The following PDE2A variants were observed in gnomAD, a reference collection of about 807,000 sequenced individuals.
The protein encoded by PDE2A is phosphodiesterase 2A, also known as cGMP-dependent 3',5'-cyclic phosphodiesterase.
Under a neutral mutation model 133.6 loss-of-function variants are expected in PDE2A, and 53 were observed. That is an observed-to-expected ratio of 0.40 (90% CI 0.32 to 0.50). The LOEUF (loss-of-function observed/expected upper bound fraction) is 0.50. PDE2A is among the 20% of genes least tolerant of loss of function. The pLI, the probability that PDE2A is intolerant of heterozygous loss-of-function variation, is 0.73. For missense variants in PDE2A, 796 were observed against 1,232.4 expected (o/e 0.65, Z 5.30); for synonymous variants, 491 against 490.2 (o/e 1.00, Z -0.02).
In PDE2A at chr11:72,584,321, A is replaced by C; in HGVS notation, c.1538-8T>G. The C allele has an allele frequency of 6.4e-7, 1 of 1,570,912 alleles. No homozygotes were observed. Among genetic ancestry groups the C allele is most frequent in the African/African-American group, 1.3e-5 (1 of 74,114 alleles). Reference sequence around the variant, plus strand: ...CGGCCACACCGATGACCTCTGGGGAAGGGAGAGGGGCAAGGAACCACCGGT... The same window carrying C: ...CGGCCACACCGATGACCTCTGGGGACGGGAGAGGGGCAAGGAACCACCGGT... On this transcript the variant is annotated splice_polypyrimidine_tract_variant and splice_region_variant and intron_variant, in intron 18 of 30. Transcript: ENST00000334456.
At chr11:72,585,286 G>T in intron 16 of PDE2A, 85 bp downstream of exon 16, 1 of 1,123,328 alleles carries the variant, frequency 8.9e-7, no homozygotes. Context: ...GGCAGAGAAA[G>T]GGAAGTGGGT....
chr11:72,584,060 G>T (rs914802888), intron 19 of PDE2A, 141 bp downstream of exon 19: 2 of 615,964 alleles, frequency 3.2e-6, no homozygotes, highest in Non-Finnish European at 5.8e-6. Context: ...TGTCCTGAAG[G>T]CTGCACCCCA....
In PDE2A at chr11:72,577,240, C is replaced by G; in HGVS notation, c.*144G>C. 1.6e-6 allele frequency: 1 copy of G among 617,252 alleles called. No individual in the cohort carries two copies. Among genetic ancestry groups the G allele is most frequent in the South Asian group, 2.0e-5 (1 of 50,686 alleles). The allele number at this position is 617,252 out of a possible 1,614,324, so 38.2% of individuals were successfully genotyped here. A position where few individuals can be genotyped will look rare whatever the true frequency, so the allele number is the denominator to read the frequency against. On this transcript the variant is annotated 3_prime_UTR_variant, in exon 31 of 31. Transcript: ENST00000334456. Reference sequence around the variant, plus strand: ...CATTATACAGACGAGAAAGCTGAGGCCCAGGAAGGTAGTACTTGTCCAGGG... The same window carrying G: ...CATTATACAGACGAGAAAGCTGAGGGCCAGGAAGGTAGTACTTGTCCAGGG...
chr11:72,590,742 C>A lies in PDE2A; in HGVS notation c.550-162G>T, dbSNP rs1431238262. 6.6e-6 allele frequency among the ~76,000 whole-genome samples: 1 copy of A among 152,174 alleles called. No individual in the cohort carries two copies. The highest frequency in any genetic ancestry group is 1.5e-5 in the Non-Finnish European group (1 of 68,024). ...TCCCTGGACTCTACCTTCCTGAGGG[C>A]TCCCCCGGGGGCTCCCACAGCCCCT... On this transcript the variant is annotated intron_variant, in intron 7 of 30. Transcript: ENST00000334456. This position sits in a 1 kb window ranked among gnomAD's most constrained non-coding sequence, Gnocchi z 4.8.
At chr11:72,637,091 CTGT>C (rs1858734011) in intron 2 of PDE2A, among the ~76,000 whole-genome samples, 1 of 137,414 alleles carries the variant, frequency 7.3e-6, no homozygotes, top group African/African-American at 3.6e-5. Context: ...TCTCTCCCCT[CTGT>C]CCAGAACTTT....
At chr11:72,586,985 C>T (rs1314535079) in intron 13 of PDE2A, among the ~76,000 whole-genome samples, 1 of 152,198 alleles carries the variant, frequency 6.6e-6, no homozygotes, top group Admixed American at 6.5e-5. Flanking sequence ...CCTCAGCTAG[C>T]CCCACCCACC....
At chr11:72,634,768 G>A (rs1858597079) in intron 2 of PDE2A, among the ~76,000 whole-genome samples, 1 of 152,192 alleles carries the variant, frequency 6.6e-6, no homozygotes, top group South Asian at 2.1e-4. Flanking sequence ...CCCTGACCTG[G>A]GACTCCTTTC....
Position 72,590,187 on chromosome 11 carries a change from C to T in PDE2A, c.756+5G>A. ...GAGGTGGCCGGCAGGGGCGCAGGGA[C>T]TCACGTATTGGAGCACTTTGAGCTG... On this transcript the variant is annotated splice_donor_5th_base_variant and intron_variant, in intron 9 of 30. Coordinates refer to ENST00000334456, the MANE Select transcript of PDE2A (RefSeq NM_002599.5). This position sits in a 1 kb window ranked among gnomAD's most constrained non-coding sequence, Gnocchi z 4.8. The T allele has an allele frequency of 6.5e-7, 1 of 1,549,094 alleles. No individual in the cohort carries two copies. The highest frequency in any genetic ancestry group is 8.7e-7 in the Non-Finnish European group (1 of 1,144,930).
rs557525864 is a variant in PDE2A at position 72,645,030 on chromosome 11, C to T, written c.72-2704G>A. Among the ~76,000 whole-genome samples, 7 of 152,346 alleles carry T rather than the reference C, an allele frequency of 4.6e-5. No individual in the cohort carries two copies. In the South Asian group the frequency reaches 1.4e-3, roughly 32 times the overall value. ...TCAGCCTCCCAAAGTGTTGGGATTA[C>T]AGGTGTGAGCCACTGCACCCAGCCA... On this transcript the variant is annotated intron_variant, in intron 1 of 30. Coordinates refer to ENST00000334456, the MANE Select transcript of PDE2A (RefSeq NM_002599.5).
intron 1 of PDE2A, chr11:72,658,278 A>G (rs1409829662): frequency 8.0e-6 from 3 of 375,010 alleles, no homozygotes; most frequent in African/African-American, 6.3e-5. Flanking sequence ...ACCCCAGGTT[A>G]TGGAGGAAAC....
chr11:72,664,429 A>G (rs1469358339), intron 1 of PDE2A, among the ~76,000 whole-genome samples: 2 of 119,504 alleles, frequency 1.7e-5, no homozygotes, highest in African/African-American at 6.7e-5. Flanking sequence ...GCTGGAGTGC[A>G]GTGGCACAAT....
chr11:72,631,580 G>T (rs1591103365), intron 2 of PDE2A, among the ~76,000 whole-genome samples: 3 of 152,118 alleles, frequency 2.0e-5, no homozygotes, highest in African/African-American at 7.2e-5. Flanking sequence ...AGACAACCAA[G>T]GGGCTTCCAA....
At chr11:72,669,945 C>T (rs1310329408) in intron 1 of PDE2A, among the ~76,000 whole-genome samples, 1 of 152,236 alleles carries the variant, frequency 6.6e-6, no homozygotes, top group African/African-American at 2.4e-5. Flanking sequence ...AATGCCTACA[C>T]ATCAAGCCTG....
chr11:72,673,099 C>T (rs11235562), intron 1 of PDE2A, among the ~76,000 whole-genome samples: 1 of 152,096 alleles, frequency 6.6e-6, no homozygotes, highest in Non-Finnish European at 1.5e-5. Flanking sequence ...CACAGCAATG[C>T]TATTATTCAC....
At position 72,582,546 on chromosome 11, in the gene PDE2A, G is replaced by C; in HGVS notation, c.1749C>G (p.Thr583=). Residue 583 remains threonine, a synonymous_variant, in exon 21 of 31, where the codon ACC becomes ACG. Transcript: ENST00000334456. ...YHMKVSDDEY[T]KLLHDGIQPV... ...GCTGGATCCCATCATGGAGAAGTTT[G>C]GTATACTCATCATCGGAGACCTAGA... 2 of 1,613,418 alleles carry C rather than the reference G, an allele frequency of 1.2e-6. No homozygotes were observed. Among genetic ancestry groups the C allele is most frequent in the Non-Finnish European group, 1.7e-6 (2 of 1,179,468 alleles).
chr11:72,644,780 C>T (rs371138513), intron 1 of PDE2A, among the ~76,000 whole-genome samples: 252 of 147,544 alleles, frequency 1.7e-3, no homozygotes, highest in African/African-American at 6.0e-3. Flanking sequence ...TTTTTTGAGA[C>T]GGAGTCTCGC....
intron 21 of PDE2A, 111 bp downstream of exon 21, chr11:72,582,333 C>T (rs924264562): frequency 2.7e-6 from 3 of 1,121,600 alleles, no homozygotes; most frequent in African/African-American, 1.6e-5. Flanking sequence ...GGACCCTCCA[C>T]AGCCTTCCTT....
chr11:72,584,741 A>AG lies in PDE2A; in HGVS notation c.1360-14dup, dbSNP rs770449952. 5.3e-5 allele frequency: 86 copies of AG among 1,612,940 alleles called. No homozygotes were observed. The South Asian group carries it at 8.9e-4, about 17-fold the overall frequency. The stretch of plus-strand genomic sequence containing the variant: ...GGATCTCATAGCTCTGCCGGAGCAG[A>AG]GATGGAGTCGAGAGGAAGAAGTTAG... On this transcript the variant is annotated splice_polypyrimidine_tract_variant and intron_variant, in intron 17 of 30. Coordinates refer to ENST00000334456, the MANE Select transcript of PDE2A (RefSeq NM_002599.5).
intron 4 of PDE2A, among the ~76,000 whole-genome samples, chr11:72,599,515 A>C (rs952041309): frequency 6.6e-6 from 1 of 152,104 alleles, no homozygotes; most frequent in Non-Finnish European, 1.5e-5. Flanking sequence ...CCGATCAGTG[A>C]GTCACCTCCC....
Sources: gnomAD v4.1 joint callset for allele counts (sites outside exome capture counted in the v4.1 genomes callset) on GRCh38, gnomAD v4.1.1 for gene constraint, Gnocchi (gnomAD v3.1) non-coding constraint, MANE v1.5 for transcripts, NCBI Gene and HGNC (gene_info 2026-07-23, HGNC 2026-07-21) for gene names.